The following MAP4K5 variants were observed in gnomAD, a reference collection of about 807,000 sequenced individuals.
MAP4K5 encodes MAPK/ERK kinase kinase kinase 5.
A neutral mutation model predicts 135.6 loss-of-function variants in MAP4K5; 82 were observed. The observed-to-expected ratio is 0.60, with a 90% CI of 0.51 to 0.73. The LOEUF (loss-of-function observed/expected upper bound fraction) is 0.73, where lower values mean the gene tolerates loss of function less well. Among genes scored for constraint, MAP4K5 ranks in the 30% least tolerant of loss-of-function variants. The pLI is 0.00. For missense variants in MAP4K5, 907 were observed against 1,010.9 expected (o/e 0.90, Z 1.39); for synonymous variants, 347 against 335.0 (o/e 1.04, Z -0.39).
At chr14:50,482,489 G>T in intron 5 of MAP4K5, 73 bp from the exon 6 acceptor site, 1 of 1,072,722 alleles carries the variant, frequency 9.3e-7, no homozygotes, top group Non-Finnish European at 1.3e-6. Flanking sequence ...AAAAAAAATG[G>T]CAAACTAGGC....
chr14:50,441,765 C>T (rs1595440027), intron 21 of MAP4K5, among the ~76,000 whole-genome samples: 1 of 137,836 alleles, frequency 7.3e-6, no homozygotes, highest in South Asian at 2.3e-4. Context: ...CACACACACA[C>T]ACACACACAC....
At chr14:50,535,310 T>C (rs1049919523), upstream of MAP4K5, among the ~76,000 whole-genome samples, 2 of 152,234 alleles carry the variant, frequency 1.3e-5, no homozygotes, top group Non-Finnish European at 2.9e-5. Context: ...TATATAAAGC[T>C]AAGGTTCACA....
At chr14:50,465,919 C>A (rs1317815347) in intron 11 of MAP4K5, among the ~76,000 whole-genome samples, 1 of 151,994 alleles carries the variant, frequency 6.6e-6, no homozygotes, top group Non-Finnish European at 1.5e-5. Flanking sequence ...ACTAAAAATA[C>A]AAAAATTAGC....
intron 3 of MAP4K5, among the ~76,000 whole-genome samples, chr14:50,496,162 C>CA (rs987319574): frequency 2.0e-5 from 3 of 151,568 alleles, no homozygotes; most frequent in Non-Finnish European, 4.4e-5. Flanking sequence ...CTGTCTCTAC[C>CA]AAAAACATAA....
At chr14:50,433,082 C>T (rs1249635885) in intron 28 of MAP4K5, among the ~76,000 whole-genome samples, 2 of 152,106 alleles carry the variant, frequency 1.3e-5, no homozygotes, top group African/African-American at 4.8e-5. Flanking sequence ...GGTGATCCAC[C>T]CACTTTGGCC....
At chr14:50,485,361 TTATA>T in intron 5 of MAP4K5, among the ~76,000 whole-genome samples, 1 of 152,234 alleles carries the variant, frequency 6.6e-6, no homozygotes, top group African/African-American at 2.4e-5. Context: ...AAAATTTGGA[TTATA>T]TAAATACTTT....
intron 2 of MAP4K5, among the ~76,000 whole-genome samples, chr14:50,516,508 AGAG>A (rs2038036559): frequency 6.6e-6 from 1 of 152,246 alleles, no homozygotes; most frequent in African/African-American, 2.4e-5. Flanking sequence ...TCAGAAGAAA[AGAG>A]GATCAAGAAC....
At position 50,442,824 on chromosome 14, in the gene MAP4K5, A is replaced by G. The variant is rs367632236; in HGVS notation, c.1480-8T>C. 2.0e-6 allele frequency: 3 copies of G among 1,506,846 alleles called. No homozygotes were observed. The highest frequency in any genetic ancestry group is 2.7e-6 in the Non-Finnish European group (3 of 1,107,992). 93.3% of individuals were successfully genotyped at this position (1,506,846 alleles called of 1,614,324 possible). A position where few individuals can be genotyped will look rare whatever the true frequency, so the allele number is the denominator to read the frequency against. On this transcript the variant is annotated splice_region_variant and splice_polypyrimidine_tract_variant and intron_variant, in intron 20 of 32. Transcript: ENST00000682126. The stretch of plus-strand genomic sequence containing the variant: ...TGAAAAGCATGCTCCCATCTTATTT[A>G]TAAAGAAAGAAATGTTAACTTATTT...
intron 2 of MAP4K5, among the ~76,000 whole-genome samples, chr14:50,527,231 C>T (rs2038286075): frequency 6.6e-6 from 1 of 152,026 alleles, no homozygotes; most frequent in Admixed American, 6.6e-5. Context: ...CCCAGCTACT[C>T]AGGAGGCTGA....
intron 2 of MAP4K5, among the ~76,000 whole-genome samples, chr14:50,509,797 C>T (rs1318831381): frequency 6.6e-6 from 1 of 152,104 alleles, no homozygotes; most frequent in East Asian, 1.9e-4. Flanking sequence ...TCCCTATCCA[C>T]CTAAGAGATC....
chr14:50,536,234 C>T (rs181409514), upstream of MAP4K5, among the ~76,000 whole-genome samples: 46 of 152,252 alleles, frequency 3.0e-4, no homozygotes, highest in South Asian at 4.6e-3. Context: ...CATCTGAGGT[C>T]GGGAGTTTGA....
chr14:50,556,695 CT>C (rs1435137688), intron 1 of MAP4K5, among the ~76,000 whole-genome samples: 5 of 152,140 alleles, frequency 3.3e-5, no homozygotes, highest in Non-Finnish European at 7.3e-5. Flanking sequence ...TACTTTCTGC[CT>C]CTTTAGATTT....
intron 31 of MAP4K5, among the ~76,000 whole-genome samples, chr14:50,425,387 C>G (rs778857347): frequency 2.4e-4 from 37 of 151,966 alleles, no homozygotes; most frequent in Non-Finnish European, 4.3e-4. Context: ...TATTTTGAGC[C>G]TGAAATAAGC....
At chr14:50,463,078 A>G (rs776031048) in intron 12 of MAP4K5, among the ~76,000 whole-genome samples, 1 of 152,206 alleles carries the variant, frequency 6.6e-6, no homozygotes, top group Non-Finnish European at 1.5e-5. Flanking sequence ...AATGACATTC[A>G]TTACTCATAT....
intron 13 of MAP4K5, among the ~76,000 whole-genome samples, chr14:50,459,252 G>C (rs982104918): frequency 6.6e-6 from 1 of 152,120 alleles, no homozygotes; most frequent in South Asian, 2.1e-4. Context: ...TTCCAAACCT[G>C]ATTTTACCAT....
At chr14:50,480,861 T>C (rs956912930) in intron 6 of MAP4K5, among the ~76,000 whole-genome samples, 1 of 152,136 alleles carries the variant, frequency 6.6e-6, no homozygotes, top group African/African-American at 2.4e-5. Context: ...TGTAACACAA[T>C]GACAATTACT....
intron 2 of MAP4K5, among the ~76,000 whole-genome samples, chr14:50,514,906 T>A (rs1363970764): frequency 2.4e-5 from 1 of 41,394 alleles, no homozygotes; most frequent in Non-Finnish European, 4.2e-5. Context: ...TCATCCTTAT[T>A]CTTTTTTTTT....
In MAP4K5 at chr14:50,532,114, G is replaced by C. The variant is rs2038408074; in HGVS notation, c.-65C>G. ...CTCCCGGATTCCCGCTAACAAGCAC[G>C]AACGGCGCCGCTTCCCAACATGGAG... On this transcript the variant is annotated 5_prime_UTR_variant, in exon 2 of 33. Coordinates refer to ENST00000682126, the MANE Select transcript of MAP4K5 (RefSeq NM_006575.6). The C allele has an allele frequency of 2.0e-6, 2 of 998,656 alleles. No homozygotes were observed. The highest frequency in any genetic ancestry group is 3.2e-5 in the African/African-American group (2 of 62,142). 61.9% of individuals were successfully genotyped at this position (998,656 alleles called of 1,614,324 possible).
intron 14 of MAP4K5, among the ~76,000 whole-genome samples, chr14:50,454,145 A>G (rs2036550543): frequency 6.6e-6 from 1 of 152,204 alleles, no homozygotes; most frequent in Non-Finnish European, 1.5e-5. Flanking sequence ...AAAGTTGAGT[A>G]AAAGAAGCCA....
Sources: gnomAD v4.1 joint callset for allele counts (sites outside exome capture counted in the v4.1 genomes callset) on GRCh38, gnomAD v4.1.1 for gene constraint, MANE v1.5 for transcripts, NCBI Gene and HGNC (gene_info 2026-07-23, HGNC 2026-07-21) for gene names.